ITGAE: variants seen among roughly 807,000 people sequenced by gnomAD.
ITGAE encodes integrin subunit alpha E, also known as integrin alpha-E.
In ITGAE, 99 loss-of-function variants were observed where a neutral mutation model predicts 136.5. The ratio of observed to expected loss-of-function variants is 0.73; its 90% CI spans 0.62 to 0.86. The LOEUF (loss-of-function observed/expected upper bound fraction) is 0.86. Among genes scored for constraint, ITGAE ranks in the 40% least tolerant of loss-of-function variants. The pLI, the probability that ITGAE is intolerant of heterozygous loss-of-function variation, is 0.00. For synonymous variants in ITGAE, 613 were observed against 591.8 expected, an observed-to-expected ratio of 1.04 and a Z score of -0.52; for missense variants, 1,447 against 1,515.3, an observed-to-expected ratio of 0.95 and a Z score of 0.75.
At chr17:3,787,258 T>C (rs1254216760) in intron 1 of ITGAE, among the ~76,000 whole-genome samples, 3 of 151,876 alleles carry the variant, frequency 2.0e-5, no homozygotes, top group Non-Finnish European at 4.4e-5. Flanking sequence ...ATTACAGGCA[T>C]GTGCCACCAC....
intron 1 of ITGAE, among the ~76,000 whole-genome samples, chr17:3,800,827 G>A (rs1306723774): frequency 2.6e-5 from 4 of 152,234 alleles, no homozygotes; most frequent in African/African-American, 9.6e-5. Context: ...GAGGGCCTCG[G>A]TGGCGGGGGG....
chr17:3,795,894 TGTGC>T (rs1254519661), intron 1 of ITGAE, among the ~76,000 whole-genome samples: 3 of 150,254 alleles, frequency 2.0e-5, no homozygotes, highest in Non-Finnish European at 4.4e-5. Context: ...CATCCGTGTG[TGTGC>T]ATCTGTGTAT....
chr17:3,799,850 C>A lies in ITGAE; in HGVS notation c.34+1261G>T, dbSNP rs980787863. On this transcript the variant is annotated intron_variant, in intron 1 of 30. Coordinates refer to ENST00000263087, the MANE Select transcript of ITGAE (RefSeq NM_002208.5). The surrounding 1 kb of genome is among the most constrained non-coding windows in gnomAD (Gnocchi z 4.1). ...TTGAAATATAAAATATTAGGCCGGG[C>A]AAGGTGGCTCATGCCTGTAGTCCCA... 2.0e-5 allele frequency among the ~76,000 whole-genome samples: 3 copies of A among 152,200 alleles called. No homozygotes were observed. Among genetic ancestry groups the A allele is most frequent in the African/African-American group, 7.2e-5 (3 of 41,444 alleles).
intron 1 of ITGAE, among the ~76,000 whole-genome samples, chr17:3,781,849 CCT>C (rs950583651): frequency 2.0e-5 from 3 of 152,068 alleles, no homozygotes; most frequent in African/African-American, 7.2e-5. Context: ...CACATTTGGG[CCT>C]CTGTCAGGAC....
Position 3,801,087 on chromosome 17 carries a change from G to A in ITGAE, c.34+24C>T, listed in dbSNP as rs190954514. ...GGAGCTGAGGGCACAGCAGCCCCTC[G>A]AAGCAGCGGGTGAGAGGACTTACTG... On this transcript the variant is annotated intron_variant, in intron 1 of 30. Coordinates refer to ENST00000263087, the MANE Select transcript of ITGAE (RefSeq NM_002208.5). 400 of 1,612,824 alleles carry A rather than the reference G, an allele frequency of 2.5e-4. 2 individuals carry two copies. The East Asian group carries it at 5.8e-3, about 23-fold the overall frequency.
intron 1 of ITGAE, among the ~76,000 whole-genome samples, chr17:3,782,274 CAAAA>C (rs61341691): frequency 1.7e-4 from 8 of 47,264 alleles, no homozygotes; most frequent in Admixed American, 4.3e-4. Flanking sequence ...GACTCGGCCT[CAAAA>C]AAAAAAAAAA....
rs2436091 is a variant in ITGAE, at chr17:3,720,281, C to G, written c.3333+26G>C. The G allele has an allele frequency of 0.028, 33,108 of 1,163,306 alleles. 6,477 individuals carry two copies. The African/African-American group carries it at 0.43, about 15-fold the overall frequency. The allele number at this position is 1,163,306 out of a possible 1,614,324, so 72.1% of individuals were successfully genotyped here. On this transcript the variant is annotated intron_variant, in intron 29 of 30. Transcript: ENST00000263087. The stretch of plus-strand genomic sequence containing the variant: ...GGTTAGGCACAATTTTCCTTGGGCA[C>G]TACTCAGAAGCCAGCCAGGAATTAC...
chr17:3,741,352 G>A (rs1378792739), intron 19 of ITGAE, among the ~76,000 whole-genome samples: 1 of 151,584 alleles, frequency 6.6e-6, no homozygotes, highest in African/African-American at 2.4e-5. Context: ...CTCCCAAAGT[G>A]CTGGGATTAC....
In ITGAE at chr17:3,799,580, C is replaced by A. The variant is rs910993810; in HGVS notation, c.34+1531G>T. 1.3e-5 allele frequency among the ~76,000 whole-genome samples: 2 copies of A among 152,042 alleles called. No homozygotes were observed. The highest frequency in any genetic ancestry group is 2.9e-5 in the Non-Finnish European group (2 of 68,004). ...TGTCTATTATCAGTTGCTTGCAAGC[C>A]TGGGTAGTCACTGCCCGCTCTGTGC... On this transcript the variant is annotated intron_variant, in intron 1 of 30. Transcript: ENST00000263087. This position sits in a 1 kb window ranked among gnomAD's most constrained non-coding sequence, Gnocchi z 4.1.
intron 21 of ITGAE, among the ~76,000 whole-genome samples, chr17:3,732,869 G>A (rs2051376445): frequency 6.6e-6 from 1 of 152,146 alleles, no homozygotes. Context: ...TAGCCACCAG[G>A]GCTCCCCACC....
Position 3,799,101 on chromosome 17 carries a change from C to A in ITGAE, c.34+2010G>T, listed in dbSNP as rs1261242356. 6.6e-6 allele frequency among the ~76,000 whole-genome samples: 1 copy of A among 152,194 alleles called. No individual in the cohort carries two copies. The highest frequency in any genetic ancestry group is 1.5e-5 in the Non-Finnish European group (1 of 68,030). On this transcript the variant is annotated intron_variant, in intron 1 of 30. Coordinates refer to ENST00000263087, the MANE Select transcript of ITGAE (RefSeq NM_002208.5). The surrounding 1 kb of genome is among the most constrained non-coding windows in gnomAD (Gnocchi z 4.1). ...GGGTACAGGGTGCTGGGCCTGGAGC[C>A]ACAGTCTGAGGGAGTTCTTCCTCCC...
At chr17:3,726,482 A>G (rs2051216170) in intron 26 of ITGAE, 1 of 619,130 alleles carries the variant, frequency 1.6e-6, no homozygotes, top group Non-Finnish European at 2.9e-6. Flanking sequence ...TTCCAAATGG[A>G]AACTGAAATA....
chr17:3,752,905 C>T (rs1232130992), intron 14 of ITGAE, among the ~76,000 whole-genome samples: 2 of 151,414 alleles, frequency 1.3e-5, no homozygotes, highest in South Asian at 2.1e-4. Context: ...TAAAATTAGC[C>T]GGGTGTGTGG....
intron 2 of ITGAE, among the ~76,000 whole-genome samples, chr17:3,768,659 C>T (rs2052353501): frequency 1.3e-5 from 2 of 152,170 alleles, no homozygotes; most frequent in South Asian, 4.1e-4. Flanking sequence ...CGCCTGTCAC[C>T]TCCTCATAAA....
rs2052130494 is a variant in ITGAE, at chr17:3,760,184, T to G, written c.702A>C (p.Glu234Asp). The G allele has an allele frequency of 6.2e-7, 1 of 1,610,382 alleles. No homozygotes were observed. The highest frequency in any genetic ancestry group is 2.2e-5 in the East Asian group (1 of 44,856). Residue 234 changes from glutamate (E) to aspartate (D), a missense_variant, in exon 7 of 31, where the codon GAA becomes GAC. Coordinates refer to ENST00000263087, the MANE Select transcript of ITGAE (RefSeq NM_002208.5). ...TAGGGAAGCCCACCTCAAAACACTT[T>G]TCATAGAAGTTCCTCATCATGTTGG... The part of the protein sequence containing the change: ...FISNMMRNFY[E>D]KCFECNFALV...
chr17:3,731,300 A>C, intron 22 of ITGAE, 117 bp from the exon 23 acceptor site: 2 of 692,676 alleles, frequency 2.9e-6, no homozygotes, highest in South Asian at 1.7e-5. Context: ...CACATTCCTC[A>C]CATTTTTCTA....
At chr17:3,746,284 A>G (rs2051711688) in intron 17 of ITGAE, among the ~76,000 whole-genome samples, 1 of 151,810 alleles carries the variant, frequency 6.6e-6, no homozygotes, top group South Asian at 2.1e-4. Flanking sequence ...TCTGCGGAGA[A>G]AAACCCCAGG....
intron 11 of ITGAE, 146 bp from the exon 12 acceptor site, chr17:3,755,407 A>G: frequency 2.1e-6 from 2 of 975,498 alleles, no homozygotes; most frequent in South Asian, 1.7e-5. Flanking sequence ...CCAGAGATGC[A>G]GGCGGGAAGG....
chr17:3,788,765 A>ATTATTAAAATAATTATTTAAAAATAATAG (rs2052863440), intron 1 of ITGAE, among the ~76,000 whole-genome samples: 1 of 146,264 alleles, frequency 6.8e-6, no homozygotes, highest in South Asian at 2.1e-4. Flanking sequence ...AAAAATAATA[A>ATTATTAAAATAATTATTTAAAAATAATAG]TTATTAAAAT....
Sources: allele counts gnomAD v4.1 joint callset (sites outside exome capture counted in the v4.1 genomes callset), GRCh38; gene constraint gnomAD v4.1.1; non-coding constraint Gnocchi (gnomAD v3.1); transcripts MANE v1.5; gene names NCBI Gene and HGNC (gene_info 2026-07-23, HGNC 2026-07-21).